Variants in DENND4C observed in about 807,000 individuals in gnomAD.
The protein encoded by DENND4C is DENN domain containing 4C.
Under a neutral mutation model 203.0 loss-of-function variants are expected in DENND4C, and 108 were observed. That is an observed-to-expected ratio of 0.53 (90% CI 0.46 to 0.62). The LOEUF is 0.62. Among genes scored for constraint, DENND4C ranks in the 20% least tolerant of loss-of-function variants. The pLI is 0.00. For synonymous variants in DENND4C, 871 were observed against 792.4 expected (o/e 1.10, Z -1.67); for missense variants, 2,481 against 2,301.2 (o/e 1.08, Z -1.60).
intron 24 of DENND4C, 74 bp downstream of exon 24, chr9:19,350,953 G>T: frequency 6.9e-7 from 1 of 1,452,898 alleles, no homozygotes; most frequent in Non-Finnish European, 9.3e-7. Flanking sequence ...TTAAGAGACG[G>T]GGTTTTGTCT....
At chr9:19,301,412 A>C (rs949727683) in intron 9 of DENND4C, among the ~76,000 whole-genome samples, 10 of 152,198 alleles carry the variant, frequency 6.6e-5, no homozygotes. Flanking sequence ...GTTGCCTAGC[A>C]CAGAGTAGGC....
intron 1 of DENND4C, among the ~76,000 whole-genome samples, chr9:19,255,321 C>G (rs1827673686): frequency 1.3e-5 from 2 of 152,028 alleles, no homozygotes; most frequent in South Asian, 4.2e-4. Context: ...AGAAGGATCA[C>G]TTGAGCCTGG....
At chr9:19,320,354 A>G (rs1842678469) in intron 12 of DENND4C, among the ~76,000 whole-genome samples, 1 of 152,084 alleles carries the variant, frequency 6.6e-6, no homozygotes, top group South Asian at 2.1e-4. Context: ...GCGCACCACC[A>G]TGCCTGGCTA....
chr9:19,339,587 T>C (rs1821166157), intron 20 of DENND4C, among the ~76,000 whole-genome samples: 1 of 152,324 alleles, frequency 6.6e-6, no homozygotes, highest in East Asian at 1.9e-4. Context: ...TTGGATCACC[T>C]AGTCTCACTA....
intron 1 of DENND4C, among the ~76,000 whole-genome samples, chr9:19,246,774 GTAT>G: frequency 6.6e-6 from 1 of 151,682 alleles, no homozygotes; most frequent in East Asian, 1.9e-4. Flanking sequence ...CACATCCCCT[GTAT>G]TATTTTTCCT....
At chr9:19,267,853 C>T (rs10964075) in intron 1 of DENND4C, among the ~76,000 whole-genome samples, 74,414 of 151,890 alleles carry the variant, frequency 0.49, 18,950 homozygotes, top group South Asian at 0.65. Context: ...TCTTGTAGGC[C>T]GCAGATGGTC....
intron 23 of DENND4C, among the ~76,000 whole-genome samples, chr9:19,347,978 A>C (rs1588966157): frequency 6.6e-6 from 1 of 152,210 alleles, no homozygotes; most frequent in South Asian, 2.1e-4. Flanking sequence ...TGCTTGTTTT[A>C]CAGAAAAAAA....
chr9:19,341,193 G>C, intron 21 of DENND4C, 79 bp downstream of exon 21: 1 of 1,166,494 alleles, frequency 8.6e-7, no homozygotes, highest in Non-Finnish European at 1.2e-6. Flanking sequence ...TTAGTTGATA[G>C]CTTTGATGAT....
intron 1 of DENND4C, among the ~76,000 whole-genome samples, chr9:19,251,808 C>T (rs930063619): frequency 6.6e-6 from 1 of 152,180 alleles, no homozygotes; most frequent in Non-Finnish European, 1.5e-5. Flanking sequence ...ACAAGTTCCT[C>T]ATCTCCATCT....
chr9:19,323,171 A>G (rs1421154552), intron 12 of DENND4C, among the ~76,000 whole-genome samples: 2 of 152,204 alleles, frequency 1.3e-5, no homozygotes, highest in East Asian at 3.8e-4. Flanking sequence ...GCAGTGGCTC[A>G]CGCCTGTAAT....
intron 16 of DENND4C, among the ~76,000 whole-genome samples, chr9:19,329,394 A>G (rs144416057): frequency 1.3e-5 from 2 of 152,204 alleles, no homozygotes; most frequent in Non-Finnish European, 2.9e-5. Flanking sequence ...TATCAGTAAT[A>G]ATTTTTATTG....
intron 5 of DENND4C, among the ~76,000 whole-genome samples, chr9:19,295,387 C>A (rs1837228473): frequency 6.6e-6 from 1 of 152,020 alleles, no homozygotes; most frequent in Non-Finnish European, 1.5e-5. Flanking sequence ...CGCCTATAGT[C>A]CCAGTTACTT....
At chr9:19,235,583 TATCTGTTGG>T (rs1821746860) in intron 1 of DENND4C, among the ~76,000 whole-genome samples, 19 of 150,894 alleles carry the variant, frequency 1.3e-4, no homozygotes, top group South Asian at 2.1e-4. Context: ...CCAGATTTAT[TATCTGTTGG>T]TTTACAGAAG....
intron 12 of DENND4C, among the ~76,000 whole-genome samples, chr9:19,318,628 C>G (rs1366887474): frequency 6.6e-6 from 1 of 152,196 alleles, no homozygotes; most frequent in Admixed American, 6.5e-5. Context: ...GGAGGTTAAA[C>G]TGAGATCAAG....
At chr9:19,294,680 T>C (rs989877476) in intron 5 of DENND4C, among the ~76,000 whole-genome samples, 1 of 152,198 alleles carries the variant, frequency 6.6e-6, no homozygotes, top group Non-Finnish European at 1.5e-5. Context: ...ATGGTATATA[T>C]ATATGATGGA....
At chr9:19,290,929 A>G (rs753246606) in intron 5 of DENND4C, 53 bp downstream of exon 5, 100 of 1,537,570 alleles carry the variant, frequency 6.5e-5, no homozygotes, top group Non-Finnish European at 8.8e-5. Flanking sequence ...TTTATTTCAT[A>G]AAAAGGTTAA....
chr9:19,237,042 C>CG (rs2131373275), intron 1 of DENND4C, among the ~76,000 whole-genome samples: 1 of 151,858 alleles, frequency 6.6e-6, no homozygotes, highest in African/African-American at 2.4e-5. Flanking sequence ...TTTTTGGAGA[C>CG]GGAGTTTTGC....
Position 19,253,564 on chromosome 9 carries a change from C to G in DENND4C, c.-17-22594C>G, listed in dbSNP as rs145784098. Among the ~76,000 whole-genome samples, 27 of 152,272 alleles carry G rather than the reference C, an allele frequency of 1.8e-4. No homozygotes were observed. In the East Asian group the frequency reaches 4.6e-3, roughly 26 times the overall value. ...CCTATTTTAAATTGCTTAAATGTAG[C>G]AAATAGCTTTGATAAAACTGTACTT... On this transcript the variant is annotated intron_variant, in intron 1 of 32. Coordinates refer to ENST00000434457, the MANE Select transcript of DENND4C (RefSeq NM_001330640.2).
At chr9:19,354,299 T>G (rs1249503670) in intron 26 of DENND4C, among the ~76,000 whole-genome samples, 1 of 152,130 alleles carries the variant, frequency 6.6e-6, no homozygotes, top group Non-Finnish European at 1.5e-5. Flanking sequence ...CATGTCCCCT[T>G]TTGGACTTGT....
Sources: gnomAD v4.1 joint callset for allele counts (sites outside exome capture counted in the v4.1 genomes callset) on GRCh38, gnomAD v4.1.1 for gene constraint, MANE v1.5 for transcripts, NCBI Gene and HGNC (gene_info 2026-07-23, HGNC 2026-07-21) for gene names.